SKIC3: variants seen among roughly 807,000 people sequenced by gnomAD.
The protein encoded by SKIC3 is SKI3 subunit of superkiller complex, also known as superkiller complex protein 3.
At chr5:95,512,441 C>A in the SKIC3 span, 9 of 1,594,808 alleles carry the variant, frequency 5.6e-6, no homozygotes, top group South Asian at 9.1e-5. Flanking sequence ...TCAATAGTTG[C>A]TCAAATATCT....
chr5:95,470,765 T>G, the SKIC3 span, among the ~76,000 whole-genome samples: 1 of 145,250 alleles, frequency 6.9e-6, no homozygotes. Flanking sequence ...ATATATTACT[T>G]GGGTTACAAG....
the SKIC3 span, chr5:95,520,698 A>G: frequency 1.9e-6 from 3 of 1,573,368 alleles, no homozygotes; most frequent in Non-Finnish European, 2.6e-6. Context: ...AACAATAAAT[A>G]ATAAGAATAA....
the SKIC3 span, chr5:95,524,715 A>G: frequency 7.4e-6 from 9 of 1,222,766 alleles, no homozygotes; most frequent in Non-Finnish European, 1.0e-5. Context: ...CAAATTAGAA[A>G]CCAATCATCA....
chr5:95,464,456 C>G, the SKIC3 span: 1 of 600,436 alleles, frequency 1.7e-6, no homozygotes, highest in Middle Eastern at 4.5e-4. Context: ...CAGAAAATTG[C>G]ATTCCTAACT....
the SKIC3 span, chr5:95,547,201 G>C: frequency 1.9e-6 from 3 of 1,542,324 alleles, no homozygotes; most frequent in South Asian, 3.3e-5. Flanking sequence ...CTACCCAATC[G>C]TAAATGTTCC....
chr5:95,516,917 T>C, the SKIC3 span: 21 of 1,594,434 alleles, frequency 1.3e-5, no homozygotes, highest in East Asian at 3.2e-4. Flanking sequence ...ATACCATACA[T>C]GTAAAGATTT....
At chr5:95,534,236 A>G in the SKIC3 span, among the ~76,000 whole-genome samples, 1 of 151,640 alleles carries the variant, frequency 6.6e-6, no homozygotes, top group Non-Finnish European at 1.5e-5. Flanking sequence ...AAATCACAAG[A>G]CTTCCTAAGT....
the SKIC3 span, among the ~76,000 whole-genome samples, chr5:95,521,789 A>G: frequency 3.1e-3 from 468 of 152,206 alleles, 2 homozygotes; most frequent in Non-Finnish European, 5.3e-3. Flanking sequence ...TGTTTTAGAG[A>G]TCAATTTTTA....
At chr5:95,520,752 A>G in the SKIC3 span, 17 of 1,612,068 alleles carry the variant, frequency 1.1e-5, no homozygotes, top group Non-Finnish European at 1.4e-5. Flanking sequence ...TATGTAGTCT[A>G]CGGCTTTTCC....
the SKIC3 span, chr5:95,495,089 A>G: frequency 6.8e-7 from 1 of 1,472,524 alleles, no homozygotes; most frequent in East Asian, 2.3e-5. Flanking sequence ...TAAGATTGAT[A>G]AGACCTTTCC....
chr5:95,488,545 G>GA, the SKIC3 span, among the ~76,000 whole-genome samples: 7 of 152,044 alleles, frequency 4.6e-5, no homozygotes, highest in South Asian at 6.2e-4. Context: ...CTGCTGAAAA[G>GA]AAAAAAACTG....
At chr5:95,466,045 T>C in the SKIC3 span, among the ~76,000 whole-genome samples, 1 of 152,216 alleles carries the variant, frequency 6.6e-6, no homozygotes, top group African/African-American at 2.4e-5. Context: ...TCTTTCAGCT[T>C]TTACGTTTCA....
chr5:95,517,085 T>A, the SKIC3 span: 1 of 1,613,586 alleles, frequency 6.2e-7, no homozygotes, highest in Non-Finnish European at 8.5e-7. Flanking sequence ...AAGTGAATGT[T>A]TTTTGTTACA....
the SKIC3 span, among the ~76,000 whole-genome samples, chr5:95,550,081 C>CT: frequency 1.3e-5 from 2 of 151,942 alleles, no homozygotes; most frequent in Admixed American, 6.6e-5. Context: ...TCTCAACTGT[C>CT]TTTTTTTAAA....
chr5:95,510,093 A>T, the SKIC3 span, among the ~76,000 whole-genome samples: 1 of 152,248 alleles, frequency 6.6e-6, no homozygotes, highest in Non-Finnish European at 1.5e-5. Context: ...TATTTAAAAA[A>T]AATAACAAAG....
chr5:95,530,120 C>T, the SKIC3 span: 1 of 1,613,546 alleles, frequency 6.2e-7, no homozygotes, highest in South Asian at 1.1e-5. Context: ...CATCTTCATA[C>T]TTTTTGTCTT....
chr5:95,493,731 G>A, the SKIC3 span, among the ~76,000 whole-genome samples: 1 of 151,920 alleles, frequency 6.6e-6, no homozygotes, highest in East Asian at 1.9e-4. Flanking sequence ...TCCCAACAGT[G>A]CTTAGGCAAA....
chr5:95,532,477 A>G, the SKIC3 span, among the ~76,000 whole-genome samples: 3 of 152,124 alleles, frequency 2.0e-5, no homozygotes, highest in Non-Finnish European at 4.4e-5. Flanking sequence ...CAGTAATAAC[A>G]ACACTAATGA....
chr5:95,476,518 T>C, the SKIC3 span, among the ~76,000 whole-genome samples: 1 of 152,216 alleles, frequency 6.6e-6, no homozygotes, highest in African/African-American at 2.4e-5. Context: ...GGCATACCTT[T>C]TATTCCTTTA....
Sources: allele counts gnomAD v4.1 joint callset (sites outside exome capture counted in the v4.1 genomes callset), GRCh38; gene constraint gnomAD v4.1.1; transcripts MANE v1.5; gene names NCBI Gene and HGNC (gene_info 2026-07-23, HGNC 2026-07-21).